Variants in CHEK2 observed in about 807,000 individuals in gnomAD.
The protein encoded by CHEK2 is checkpoint kinase 2.
Under a neutral mutation model 69.1 loss-of-function variants are expected in CHEK2, and 71 were observed. The ratio of observed to expected loss-of-function variants is 1.03; its 90% CI spans 0.85 to 1.25. The LOEUF is 1.25. Ranked by LOEUF, CHEK2 falls within the 50% of genes most tolerant of loss-of-function variation. The probability of loss-of-function intolerance (pLI) is 0.00; values close to 1 mark genes in which losing one functional copy is unlikely to be tolerated. For synonymous variants in CHEK2, 189 were observed against 226.9 expected (o/e 0.83, Z 1.50); for missense variants, 664 against 649.6 (o/e 1.02, Z -0.24).
At chr22:28,730,638 A>T (rs1351920792) in intron 2 of CHEK2, 2 of 510,578 alleles carry the variant, frequency 3.9e-6, no homozygotes, top group Non-Finnish European at 7.3e-6. Flanking sequence ...CGGGTGGATC[A>T]CCCGAGGGCA....
intron 2 of CHEK2, among the ~76,000 whole-genome samples, chr22:28,733,152 C>T (rs1332741730): frequency 6.6e-6 from 1 of 152,102 alleles, no homozygotes; most frequent in Admixed American, 6.6e-5. Context: ...CTATTGGAAC[C>T]AGGAGGTGTC....
chr22:28,698,653 G>A (rs945458807), intron 9 of CHEK2, among the ~76,000 whole-genome samples: 1 of 152,086 alleles, frequency 6.6e-6, no homozygotes, highest in Non-Finnish European at 1.5e-5. Context: ...AGACTGGAAG[G>A]GAATGGCCAC....
At chr22:28,688,987 C>T (rs3963404) in intron 14 of CHEK2, 148 bp downstream of exon 14, 4 of 654,784 alleles carry the variant, frequency 6.1e-6, no homozygotes, top group African/African-American at 1.8e-5. Context: ...GGTGCTGGAG[C>T]GAATCAAGTT....
At chr22:28,736,783 CA>C (rs1174478603) in intron 1 of CHEK2, among the ~76,000 whole-genome samples, 1 of 133,670 alleles carries the variant, frequency 7.5e-6, no homozygotes, top group African/African-American at 2.9e-5. Flanking sequence ...GCCCCCCGTA[CA>C]AAAAATAAGA....
rs1555916963 is a variant in CHEK2 at position 28,703,532 on chromosome 22, G to T, written c.881C>A (p.Ala294Glu). The part of the protein sequence containing the change: ...CIIKIKNFFD[A>E]EDYYIVLELM... Reference sequence around the variant, plus strand: ...TTCCAAAACAATATAATAATCTTCTGCATCAAAAAAGTTTTTAATCTTGAT... The same window carrying T: ...TTCCAAAACAATATAATAATCTTCTTCATCAAAAAAGTTTTTAATCTTGAT... The change falls in exon 8 of 15, where the codon GCA becomes GAA. Residue 294 changes from alanine to glutamate, a missense_variant. Coordinates refer to ENST00000404276, the MANE Select transcript of CHEK2 (RefSeq NM_007194.4). The T allele has an allele frequency of 6.4e-7, 1 of 1,550,876 alleles. No homozygotes were observed. The highest frequency in any genetic ancestry group is 8.9e-7 in the Non-Finnish European group (1 of 1,129,750).
intron 7 of CHEK2, among the ~76,000 whole-genome samples, chr22:28,703,804 T>C (rs2052996727): frequency 6.6e-6 from 1 of 152,200 alleles, no homozygotes; most frequent in African/African-American, 2.4e-5. Context: ...AGTTCATATT[T>C]CATATGCAAG....
chr22:28,731,988 C>A (rs534425187), intron 2 of CHEK2, among the ~76,000 whole-genome samples: 2 of 152,164 alleles, frequency 1.3e-5, no homozygotes, highest in African/African-American at 4.8e-5. Context: ...GTCACCCAGG[C>A]GGGACTGCAG....
intron 7 of CHEK2, chr22:28,708,896 T>G: frequency 3.2e-6 from 1 of 314,214 alleles, no homozygotes; most frequent in Non-Finnish European, 6.1e-6. Flanking sequence ...GAGCTTGCAG[T>G]GAGCCGAGAT....
At chr22:28,713,853 G>A (rs183702280) in intron 5 of CHEK2, among the ~76,000 whole-genome samples, 1 of 151,692 alleles carries the variant, frequency 6.6e-6, no homozygotes, top group East Asian at 2.0e-4. Flanking sequence ...ACTAATTTTT[G>A]TATTTTTAGT....
chr22:28,689,920 G>A lies in CHEK2; in HGVS notation c.1462-705C>T, dbSNP rs1202237451. ...TCGAGGATTTGCATTAGGAAACCCT[G>A]AGAGGTGGTCTGGTGCAGCTCTCCC... On this transcript the variant is annotated intron_variant, in intron 13 of 14. Coordinates refer to ENST00000404276, the MANE Select transcript of CHEK2 (RefSeq NM_007194.4). 2.0e-5 allele frequency among the ~76,000 whole-genome samples: 3 copies of A among 152,286 alleles called. No homozygotes were observed. The East Asian group carries it at 5.8e-4, about 29-fold the overall frequency.
At chr22:28,715,923 T>C (rs567046414) in intron 5 of CHEK2, among the ~76,000 whole-genome samples, 3 of 151,718 alleles carry the variant, frequency 2.0e-5, no homozygotes, top group Non-Finnish European at 4.4e-5. Context: ...TGGAATGCAG[T>C]GGCATGATGA....
At position 28,721,769 on chromosome 22, in the gene CHEK2, T is replaced by C. The variant is rs1161867983; in HGVS notation, c.593-2284A>G. 5 of 339,580 alleles carry C rather than the reference T, an allele frequency of 1.5e-5. No individual in the cohort carries two copies. In the East Asian group the frequency reaches 2.4e-4, roughly 16 times the overall value. 21.0% of individuals were successfully genotyped at this position (339,580 alleles called of 1,614,324 possible). A position where few individuals can be genotyped will look rare whatever the true frequency, so the allele number is the denominator to read the frequency against. ...TTTTTGAGACACGTTCTTACTCTCT[T>C]GCCCAGGGAAGAGTACAGTGGTGCA... On this transcript the variant is annotated intron_variant, in intron 4 of 14. Coordinates refer to ENST00000404276, the MANE Select transcript of CHEK2 (RefSeq NM_007194.4).
At chr22:28,699,288 C>T (rs1601735086) in intron 9 of CHEK2, among the ~76,000 whole-genome samples, 3 of 151,944 alleles carry the variant, frequency 2.0e-5, no homozygotes, top group African/African-American at 4.8e-5. Flanking sequence ...CAGGCGTGAG[C>T]CACTATGCCT....
intron 12 of CHEK2, 123 bp from the exon 13 acceptor site, chr22:28,694,240 G>C (rs1165294394): frequency 1.4e-6 from 1 of 727,704 alleles, no homozygotes. Flanking sequence ...CACGGAGTCA[G>C]CAGACAGGGC....
intron 6 of CHEK2, among the ~76,000 whole-genome samples, 168 bp downstream of exon 6, chr22:28,711,741 T>C (rs1406222500): frequency 6.6e-6 from 1 of 152,188 alleles, no homozygotes; most frequent in Non-Finnish European, 1.5e-5. Context: ...TAAAAGTTTC[T>C]AGATTAATCA....
At chr22:28,722,074 T>A (rs1337449296) in intron 4 of CHEK2, among the ~76,000 whole-genome samples, 1 of 152,076 alleles carries the variant, frequency 6.6e-6, no homozygotes. Flanking sequence ...AATGTTTATT[T>A]AATTTTTTTA....
rs1569150113 is a variant in CHEK2 at position 28,719,467 on chromosome 22, A to G, written c.611T>C (p.Leu204Pro). The G allele has an allele frequency of 1.4e-5, 23 of 1,589,284 alleles. No homozygotes were observed. Among genetic ancestry groups the G allele is most frequent in the Non-Finnish European group, 2.0e-5 (23 of 1,163,986 alleles). ...ATAAACTGACTGATCATCTACAGTC[A>G]GATCAAAAAAGACAAAAACTAAGGA... Reference protein sequence around the residue: ...SRNKVFVFFDLTVDDQSVYPK... With the variant: ...SRNKVFVFFDPTVDDQSVYPK... Residue 204 changes from leucine (L) to proline (P), a missense_variant, in exon 5 of 15, where the codon CTG becomes CCG. Coordinates refer to ENST00000404276, the MANE Select transcript of CHEK2 (RefSeq NM_007194.4).
chr22:28,699,000 G>A (rs1255835521), intron 9 of CHEK2, among the ~76,000 whole-genome samples: 2 of 151,982 alleles, frequency 1.3e-5, no homozygotes, highest in Non-Finnish European at 1.5e-5. Flanking sequence ...AGGCGACATA[G>A]GGCCATGTTA....
intron 13 of CHEK2, among the ~76,000 whole-genome samples, chr22:28,692,768 T>C (rs535654477): frequency 1.2e-4 from 19 of 152,332 alleles, no homozygotes; most frequent in African/African-American, 4.6e-4. Context: ...TCATCTCAAA[T>C]TGTAATCCCC....
Sources: allele counts gnomAD v4.1 joint callset (sites outside exome capture counted in the v4.1 genomes callset), GRCh38; gene constraint gnomAD v4.1.1; transcripts MANE v1.5; gene names NCBI Gene and HGNC (gene_info 2026-07-23, HGNC 2026-07-21).